CASQ2: variants seen among roughly 807,000 people sequenced by gnomAD.
CASQ2 encodes calsequestrin-2.
Under a neutral mutation model 46.5 loss-of-function variants are expected in CASQ2, and 49 were observed. The ratio of observed to expected loss-of-function variants is 1.05; its 90% CI spans 0.84 to 1.34. CASQ2 has a LOEUF of 1.34. Among genes scored for constraint, CASQ2 ranks in the 40% most tolerant of loss-of-function variants. The pLI is 0.00. For missense variants in CASQ2, 486 were observed against 481.3 expected, an observed-to-expected ratio of 1.01 and a Z score of -0.09; for synonymous variants, 174 against 168.5, an observed-to-expected ratio of 1.03 and a Z score of -0.25.
chr1:115,707,221 G>A (rs1654394096), intron 8 of CASQ2, among the ~76,000 whole-genome samples: 1 of 151,886 alleles, frequency 6.6e-6, no homozygotes, highest in Non-Finnish European at 1.5e-5. Flanking sequence ...TGCAGACAGG[G>A]GTCTCACATT....
At chr1:115,760,284 C>T (rs1648892637) in intron 1 of CASQ2, among the ~76,000 whole-genome samples, 1 of 152,208 alleles carries the variant, frequency 6.6e-6, no homozygotes. Flanking sequence ...GCTTTGCAAA[C>T]TTTAATGTGC....
intron 7 of CASQ2, among the ~76,000 whole-genome samples, chr1:115,725,265 G>A (rs886100937): frequency 6.6e-6 from 1 of 151,866 alleles, no homozygotes; most frequent in Non-Finnish European, 1.5e-5. Context: ...ACAGGGTTTT[G>A]CTATGTTGCC....
At chr1:115,733,201 C>T (rs1647846481) in intron 4 of CASQ2, among the ~76,000 whole-genome samples, 2 of 152,212 alleles carry the variant, frequency 1.3e-5, no homozygotes, top group Non-Finnish European at 1.5e-5. Context: ...CCATTCACCA[C>T]ACTTTTATGA....
At chr1:115,746,762 C>T (rs565637712) in intron 1 of CASQ2, among the ~76,000 whole-genome samples, 1 of 151,678 alleles carries the variant, frequency 6.6e-6, no homozygotes, top group African/African-American at 2.4e-5. Context: ...TTTTTTTACT[C>T]TGTATGTGTG....
At chr1:115,767,753 A>C (rs1370989235) in intron 1 of CASQ2, among the ~76,000 whole-genome samples, 1 of 152,176 alleles carries the variant, frequency 6.6e-6, no homozygotes, top group Non-Finnish European at 1.5e-5. Context: ...AAATCACATA[A>C]ATGAATATGC....
At chr1:115,705,083 C>T (rs1570795790) in intron 9 of CASQ2, 109 bp downstream of exon 9, 1 of 800,568 alleles carries the variant, frequency 1.2e-6, no homozygotes, top group African/African-American at 1.7e-5. Flanking sequence ...GTGAGGACCG[C>T]CACTGGGTTT....
In CASQ2 at chr1:115,726,972, C is replaced by CCCCCCAATCCCA; in HGVS notation, c.737+19_737+20insTGGGATTGGGGG. 1 of 1,588,914 alleles carries CCCCCCAATCCCA rather than the reference C, an allele frequency of 6.3e-7. No homozygotes were observed. The highest frequency in any genetic ancestry group is 8.6e-7 in the Non-Finnish European group (1 of 1,161,766). ...TCCCCAGACCCCAGGCCCCCAGCCC[C>CCCCCCAATCCCA]CACATGCCATCTCAGGCACCTTTGG... On this transcript the variant is annotated intron_variant, in intron 6 of 10. Coordinates refer to ENST00000261448, the MANE Select transcript of CASQ2 (RefSeq NM_001232.4).
chr1:115,767,607 T>C (rs1419085022), intron 1 of CASQ2, among the ~76,000 whole-genome samples: 2 of 152,148 alleles, frequency 1.3e-5, no homozygotes, highest in Non-Finnish European at 2.9e-5. Flanking sequence ...GCAGGAATAG[T>C]TTCTGGGGCA....
chr1:115,717,336 C>A (rs944893755), intron 8 of CASQ2, among the ~76,000 whole-genome samples: 1 of 152,168 alleles, frequency 6.6e-6, no homozygotes, highest in Non-Finnish European at 1.5e-5. Flanking sequence ...ATCAGCTGGT[C>A]TAAAAGGCTG....
Position 115,731,498 on chromosome 1 carries a change from T to C in CASQ2, c.606+1403A>G, listed in dbSNP as rs141278002. 4.7e-3 allele frequency among the ~76,000 whole-genome samples: 709 copies of C among 152,316 alleles called. 9 individuals are homozygous for C. Among genetic ancestry groups the C allele is most frequent in the African/African-American group, 0.016 (670 of 41,576 alleles). ...TTCCTCCCTTTCTCTACTAATATCCTATCCAATCCTCCCACTTCCTGGGCC... is the reference window on the plus strand; with the variant it reads ...TTCCTCCCTTTCTCTACTAATATCCCATCCAATCCTCCCACTTCCTGGGCC... On this transcript the variant is annotated intron_variant, in intron 5 of 10. Transcript: ENST00000261448.
intron 1 of CASQ2, among the ~76,000 whole-genome samples, chr1:115,766,212 T>A (rs1332100061): frequency 2.0e-5 from 3 of 152,172 alleles, no homozygotes; most frequent in Non-Finnish European, 4.4e-5. Context: ...CTTGAAACCA[T>A]CTTAAACAGG....
intron 1 of CASQ2, among the ~76,000 whole-genome samples, chr1:115,764,378 G>GA (rs1009525912): frequency 1.8e-4 from 28 of 152,210 alleles, no homozygotes; most frequent in Non-Finnish European, 3.8e-4. Context: ...ATTCCCAATT[G>GA]AAAAATGTAT....
chr1:115,718,870 A>T (rs1647266394), intron 7 of CASQ2, among the ~76,000 whole-genome samples: 1 of 152,144 alleles, frequency 6.6e-6, no homozygotes, highest in Non-Finnish European at 1.5e-5. Context: ...CTGCTATCAC[A>T]AATGTGATTC....
intron 6 of CASQ2, 113 bp from the exon 7 acceptor site, chr1:115,725,666 G>T: frequency 7.5e-7 from 1 of 1,339,342 alleles, no homozygotes; most frequent in South Asian, 1.3e-5. Flanking sequence ...TGCTTCCTTT[G>T]CAAGGCAGGG....
intron 1 of CASQ2, among the ~76,000 whole-genome samples, chr1:115,746,476 C>T (rs966279955): frequency 2.0e-5 from 3 of 152,196 alleles, no homozygotes; most frequent in East Asian, 1.9e-4. Context: ...AGTTTTTCCA[C>T]GTCTTTGTCA....
At chr1:115,763,545 G>A (rs186534608) in intron 1 of CASQ2, among the ~76,000 whole-genome samples, 1 of 152,282 alleles carries the variant, frequency 6.6e-6, no homozygotes, top group African/African-American at 2.4e-5. Context: ...AACTGATGGG[G>A]TTAGCTGTAT....
chr1:115,713,887 C>T (rs1262777505), intron 8 of CASQ2, among the ~76,000 whole-genome samples: 1 of 152,180 alleles, frequency 6.6e-6, no homozygotes, highest in East Asian at 1.9e-4. Flanking sequence ...TCCTATAACC[C>T]TGTGATCCCG....
At chr1:115,719,944 C>A (rs1647310203) in intron 7 of CASQ2, among the ~76,000 whole-genome samples, 1 of 152,152 alleles carries the variant, frequency 6.6e-6, no homozygotes, top group Non-Finnish European at 1.5e-5. Context: ...AAGATAACAA[C>A]AGTTATTAAA....
chr1:115,752,037 G>T (rs1411154421), intron 1 of CASQ2, among the ~76,000 whole-genome samples: 1 of 152,174 alleles, frequency 6.6e-6, no homozygotes, highest in African/African-American at 2.4e-5. Flanking sequence ...TCAGCTTCTT[G>T]CAGGGACGCC....
Sources: gnomAD v4.1 joint callset for allele counts (sites outside exome capture counted in the v4.1 genomes callset) on GRCh38, gnomAD v4.1.1 for gene constraint, MANE v1.5 for transcripts, NCBI Gene and HGNC (gene_info 2026-07-23, HGNC 2026-07-21) for gene names.